AEBP2: variants seen among roughly 807,000 people sequenced by gnomAD.
The protein encoded by AEBP2 is zinc finger protein AEBP2.
AEBP2 carries 10 observed loss-of-function variants against 50.8 expected under a neutral mutation model. The ratio of observed to expected loss-of-function variants is 0.20; its 90% CI spans 0.12 to 0.33. The LOEUF is 0.33. AEBP2 is among the 10% of genes least tolerant of loss of function. The probability of loss-of-function intolerance (pLI) is 1.00; values close to 1 mark genes in which losing one functional copy is unlikely to be tolerated. For synonymous variants in AEBP2, 296 were observed against 261.3 expected (o/e 1.13, Z -1.28); for missense variants, 570 against 688.0 (o/e 0.83, Z 1.92).
chr12:19,430,195 G>A (rs1292327615), intron 1 of AEBP2, among the ~76,000 whole-genome samples: 1 of 152,100 alleles, frequency 6.6e-6, no homozygotes, highest in Non-Finnish European at 1.5e-5. Context: ...TTCTACATAT[G>A]GCTAGCCAGT....
chr12:19,496,726 A>G (rs1047696158), intron 4 of AEBP2, among the ~76,000 whole-genome samples: 53 of 150,536 alleles, frequency 3.5e-4, no homozygotes, highest in African/African-American at 1.2e-3. Flanking sequence ...CAGTGGTGCA[A>G]TCATGACTCA....
At chr12:19,489,369 G>A (rs1948861779) in intron 3 of AEBP2, among the ~76,000 whole-genome samples, 1 of 152,166 alleles carries the variant, frequency 6.6e-6, no homozygotes, top group African/African-American at 2.4e-5. Context: ...ATCAGATCTT[G>A]TGAGAACTCC....
intron 5 of AEBP2, among the ~76,000 whole-genome samples, chr12:19,506,424 A>C (rs1949156802): frequency 6.6e-6 from 1 of 152,164 alleles, no homozygotes; most frequent in African/African-American, 2.4e-5. Context: ...TTAGTAAAGA[A>C]ACTTGCTGTC....
intron 1 of AEBP2, among the ~76,000 whole-genome samples, chr12:19,410,247 A>T (rs1264943808): frequency 6.6e-6 from 1 of 152,202 alleles, no homozygotes; most frequent in East Asian, 1.9e-4. Flanking sequence ...GTTGGATTTA[A>T]CAAAAACTGC....
chr12:19,413,685 G>A (rs888830069), intron 1 of AEBP2, among the ~76,000 whole-genome samples: 10 of 152,246 alleles, frequency 6.6e-5, no homozygotes, highest in Admixed American at 4.6e-4. Context: ...TATGCTAAAC[G>A]AGGGGTGGAT....
At chr12:19,448,115 G>A (rs893555789) in intron 1 of AEBP2, among the ~76,000 whole-genome samples, 2 of 151,942 alleles carry the variant, frequency 1.3e-5, no homozygotes, top group Non-Finnish European at 2.9e-5. Context: ...CTATGTTGCC[G>A]AGACTGGTTT....
chr12:19,505,676 G>T (rs2120553946), intron 5 of AEBP2, among the ~76,000 whole-genome samples: 1 of 152,336 alleles, frequency 6.6e-6, no homozygotes, highest in East Asian at 1.9e-4. Context: ...GAGGTAATAG[G>T]CAGAACCTTG....
At chr12:19,453,713 C>T (rs1224705661) in intron 1 of AEBP2, among the ~76,000 whole-genome samples, 6 of 152,174 alleles carry the variant, frequency 3.9e-5, no homozygotes, top group African/African-American at 1.2e-4. Context: ...CGTGAGCCAC[C>T]GCACCCGGAC....
intron 1 of AEBP2, among the ~76,000 whole-genome samples, chr12:19,427,307 G>A (rs1040099731): frequency 1.3e-5 from 2 of 151,216 alleles, no homozygotes; most frequent in Admixed American, 6.6e-5. Context: ...TTGAACCCGG[G>A]AGGCAGAGGT....
At chr12:19,444,919 G>C (rs1948031412) in intron 1 of AEBP2, among the ~76,000 whole-genome samples, 1 of 152,144 alleles carries the variant, frequency 6.6e-6, no homozygotes. Context: ...TTTTGAGACA[G>C]AGTCTTGCTC....
chr12:19,422,446 T>TA (rs909136410), intron 1 of AEBP2, among the ~76,000 whole-genome samples: 2 of 152,064 alleles, frequency 1.3e-5, no homozygotes, highest in African/African-American at 4.8e-5. Flanking sequence ...AAGGATTTTT[T>TA]AAAAAATTTA....
intron 4 of AEBP2, among the ~76,000 whole-genome samples, chr12:19,499,632 A>C (rs901514706): frequency 6.6e-6 from 1 of 151,600 alleles, no homozygotes; most frequent in East Asian, 1.9e-4. Context: ...AAAAAAAAAA[A>C]CCTCAAAATA....
rs1948883710 is a variant in AEBP2, at chr12:19,490,650, G to C, written c.988-3150G>C. On this transcript the variant is annotated intron_variant, in intron 3 of 7. Transcript: ENST00000266508. The stretch of plus-strand genomic sequence containing the variant: ...CTGGCTAATTTTTGTATTTTTATTA[G>C]AGACAGGGTTTCACTGTGTTGGCCA... 3.9e-5 allele frequency among the ~76,000 whole-genome samples: 6 copies of C among 152,202 alleles called. No homozygotes were observed. In the South Asian group the frequency reaches 1.2e-3, roughly 32 times the overall value.
chr12:19,439,540 C>T lies in AEBP2; in HGVS notation c.-160C>T. 2.1e-6 allele frequency: 2 copies of T among 962,120 alleles called. No homozygotes were observed. The highest frequency in any genetic ancestry group is 2.9e-6 in the Non-Finnish European group (2 of 686,184). The allele number at this position is 962,120 out of a possible 1,614,324, so 59.6% of individuals were successfully genotyped here. A position where few individuals can be genotyped will look rare whatever the true frequency, so the allele number is the denominator to read the frequency against. ...TCGCGCGCCTGTCCCCGCGCGGGCT[C>T]CGTAGCGCGTGTGCAGGCTGACGCA... On this transcript the variant is annotated 5_prime_UTR_variant, in exon 1 of 8. Transcript: ENST00000266508.
chr12:19,507,288 G>T (rs1384334596), intron 5 of AEBP2, among the ~76,000 whole-genome samples: 1 of 152,178 alleles, frequency 6.6e-6, no homozygotes. Flanking sequence ...AGGGAGAAGT[G>T]ATGTAAAAGG....
chr12:19,522,052 A>C lies in AEBP2; in HGVS notation c.*3935A>C, dbSNP rs1949405945. On this transcript the variant is annotated 3_prime_UTR_variant, in exon 8 of 8. Transcript: ENST00000266508. ...TACTTTGTTTCTAAAAAAGGAGTTAAATCGTGTCACCTGAATTTTTTTTTT... is the reference window on the plus strand; with the variant it reads ...TACTTTGTTTCTAAAAAAGGAGTTACATCGTGTCACCTGAATTTTTTTTTT... 1 of 152,030 alleles carries C rather than the reference A, an allele frequency of 6.6e-6. No individual in the cohort carries two copies. Among genetic ancestry groups the C allele is most frequent in the Non-Finnish European group, 1.5e-5 (1 of 67,976 alleles). 9.4% of individuals were successfully genotyped at this position (152,030 alleles called of 1,614,324 possible).
rs548584287 is a variant in AEBP2, at chr12:19,456,432, T to C, written c.672-6078T>C. ...GGGCTTGCCAGGAACCATATCAACG[T>C]TGGCAGCATCACCAGAGTTCAAGAA... is the stretch of plus-strand genomic sequence containing the variant. On this transcript the variant is annotated intron_variant, in intron 1 of 7. Coordinates refer to ENST00000266508, the MANE Select transcript of AEBP2 (RefSeq NM_153207.5). The C allele has an allele frequency of 1.3e-5, 18 of 1,407,434 alleles. No individual in the cohort carries two copies. In the African/African-American group the frequency reaches 2.3e-4, roughly 18 times the overall value. 87.2% of individuals were successfully genotyped at this position (1,407,434 alleles called of 1,614,324 possible). A position where few individuals can be genotyped will look rare whatever the true frequency, so the allele number is the denominator to read the frequency against.
chr12:19,483,517 G>C (rs1048892492), intron 3 of AEBP2, among the ~76,000 whole-genome samples: 1 of 152,064 alleles, frequency 6.6e-6, no homozygotes, highest in African/African-American at 2.4e-5. Flanking sequence ...ATATTCCTGG[G>C]GTGGTTCTTG....
At chr12:19,502,809 T>C (rs1949102873) in intron 5 of AEBP2, among the ~76,000 whole-genome samples, 1 of 152,074 alleles carries the variant, frequency 6.6e-6, no homozygotes, top group South Asian at 2.1e-4. Flanking sequence ...CCACCACGCC[T>C]GGCTAATCTT....
Sources: gnomAD v4.1 joint callset for allele counts (sites outside exome capture counted in the v4.1 genomes callset) on GRCh38, gnomAD v4.1.1 for gene constraint, MANE v1.5 for transcripts, NCBI Gene and HGNC (gene_info 2026-07-23, HGNC 2026-07-21) for gene names.